CFAP47: variants seen among roughly 807,000 people sequenced by gnomAD.
CFAP47 encodes cilia and flagella associated protein 47.
In CFAP47, 29 loss-of-function variants were observed where a neutral mutation model predicts 148.1. That is an observed-to-expected ratio of 0.20 (90% confidence interval 0.15 to 0.27). The LOEUF (loss-of-function observed/expected upper bound fraction) is 0.27, where lower values mean the gene tolerates loss of function less well. Ranked by LOEUF, CFAP47 falls within the 10% of genes least tolerant of loss-of-function variation. CFAP47 has a pLI of 1.00. For missense variants in CFAP47, 1,872 were observed against 1,697.5 expected (o/e 1.10, Z -1.81); for synonymous variants, 664 against 577.3 (o/e 1.15, Z -2.15).
chrX:36,102,521 TA>T (rs1411994205), intron 32 of CFAP47, among the ~76,000 whole-genome samples: 1 of 111,568 alleles, frequency 9.0e-6, no homozygotes, highest in African/African-American at 3.3e-5. Flanking sequence ...GCTGTAGAAT[TA>T]AGCACTCAGT....
chrX:36,259,732 T>G (rs972994303), intron 49 of CFAP47, among the ~76,000 whole-genome samples: 2 of 111,165 alleles, frequency 1.8e-5, no homozygotes, highest in East Asian at 2.8e-4. Context: ...TATTTTAGAT[T>G]CAGGGAGTAC....
chrX:36,142,178 G>A (rs2146834858), intron 35 of CFAP47, among the ~76,000 whole-genome samples: 1 of 111,408 alleles, frequency 9.0e-6, no homozygotes, highest in South Asian at 3.8e-4. Flanking sequence ...GAAAGTTAGT[G>A]ATACCTTAAA....
intron 52 of CFAP47, among the ~76,000 whole-genome samples, chrX:36,300,799 C>T (rs1556007675): frequency 8.9e-6 from 1 of 112,282 alleles, no homozygotes; most frequent in African/African-American, 3.2e-5. Context: ...TTAAAATACT[C>T]ATGTTTAAAC....
At chrX:36,383,460 A>G (rs781921991) in intron 63 of CFAP47, among the ~76,000 whole-genome samples, 2 of 111,692 alleles carry the variant, frequency 1.8e-5, no homozygotes, top group East Asian at 5.7e-4. Flanking sequence ...ATTTTTACCC[A>G]TCAAGTGGGT....
intron 1 of CFAP47, 85 bp from the exon 2 acceptor site, chrX:35,925,932 G>C (rs1396558520): frequency 1.2e-6 from 1 of 816,981 alleles, no homozygotes; most frequent in Non-Finnish European, 1.7e-6. Context: ...TGGGATTACA[G>C]GCGTGAGCCA....
intron 26 of CFAP47, among the ~76,000 whole-genome samples, chrX:36,052,703 A>G (rs1456946751): frequency 3.6e-5 from 4 of 112,513 alleles, no homozygotes; most frequent in Non-Finnish European, 5.6e-5. Context: ...GCTGCATAAT[A>G]AAGCTTCTTA....
intron 63 of CFAP47, 145 bp from the exon 64 acceptor site, chrX:36,384,648 CATTA>C (rs782806117): frequency 2.4e-6 from 1 of 421,442 alleles, no homozygotes; most frequent in African/African-American, 2.5e-5. Flanking sequence ...TTATTTTCCA[CATTA>C]ATTGTCACTC....
At chrX:36,055,207 G>A (rs1004707872) in intron 26 of CFAP47, among the ~76,000 whole-genome samples, 2 of 109,056 alleles carry the variant, frequency 1.8e-5, no homozygotes, top group African/African-American at 3.3e-5. Flanking sequence ...TGCAGGATGC[G>A]CAGGCTTGTT....
At chrX:36,108,381 A>G (rs1938498651) in intron 33 of CFAP47, among the ~76,000 whole-genome samples, 1 of 111,569 alleles carries the variant, frequency 9.0e-6, no homozygotes, top group Non-Finnish European at 1.9e-5. Flanking sequence ...CACCTTCATT[A>G]AAATGTCCCA....
intron 46 of CFAP47, among the ~76,000 whole-genome samples, chrX:36,234,770 T>C (rs1940429727): frequency 9.0e-6 from 1 of 111,549 alleles, no homozygotes; most frequent in African/African-American, 3.3e-5. Flanking sequence ...CCTTTGATGA[T>C]GGTGAGGTAC....
intron 35 of CFAP47, 136 bp downstream of exon 35, chrX:36,138,600 G>A (rs2146831414): frequency 3.0e-6 from 2 of 671,844 alleles, no homozygotes; most frequent in South Asian, 1.1e-4. Context: ...TTGCTAAAAT[G>A]TAGAAATTGA....
rs1556024944 is a variant in CFAP47 at position 36,385,001 on chromosome X, C to CCAAA, written c.9559_9560insCAAA (p.Gln3187ProfsTer15). ...CAAGGGTGCTCCTTTGGTGAAGAATCAATAAAATTTTTTTCCAAAATATTT... is the reference window on the plus strand; with the variant it reads ...CAAGGGTGCTCCTTTGGTGAAGAATCCAAAAATAAAATTTTTTTCCAAAATATTT... On this transcript the variant is annotated frameshift_variant, in exon 64 of 64. Transcript: ENST00000378653. LOFTEE classifies it high-confidence loss of function. 8.7e-7 allele frequency: 1 copy of CCAAA among 1,143,766 alleles called. No homozygotes were observed. The highest frequency in any genetic ancestry group is 1.8e-5 in the African/African-American group (1 of 55,091). The allele number at this position is 1,143,766 out of a possible 1,213,427, so 94.3% of individuals were successfully genotyped here. A position where few individuals can be genotyped will look rare whatever the true frequency, so the allele number is the denominator to read the frequency against.
intron 49 of CFAP47, among the ~76,000 whole-genome samples, chrX:36,255,159 A>G: frequency 8.9e-6 from 1 of 111,814 alleles, no homozygotes; most frequent in African/African-American, 3.2e-5. Context: ...GAGTTAGGGC[A>G]GAACAAACTA....
chrX:36,165,564 A>C (rs1335729936), intron 39 of CFAP47, among the ~76,000 whole-genome samples: 1 of 111,194 alleles, frequency 9.0e-6, no homozygotes, highest in Non-Finnish European at 1.9e-5. Flanking sequence ...AATATTACAT[A>C]CCCAACAATA....
intron 26 of CFAP47, among the ~76,000 whole-genome samples, chrX:36,059,714 A>T (rs976161236): frequency 2.7e-5 from 3 of 112,132 alleles, no homozygotes; most frequent in Non-Finnish European, 5.6e-5. Flanking sequence ...AATAATGTGT[A>T]TATCTGTGCA....
chrX:36,182,924 G>A (rs1035605952), intron 40 of CFAP47, among the ~76,000 whole-genome samples: 1 of 112,474 alleles, frequency 8.9e-6, no homozygotes, highest in African/African-American at 3.2e-5. Flanking sequence ...GAGAAGTGCT[G>A]TATGTTATTT....
At chrX:36,064,116 T>C (rs1937616615) in intron 26 of CFAP47, among the ~76,000 whole-genome samples, 1 of 112,427 alleles carries the variant, frequency 8.9e-6, no homozygotes, top group Non-Finnish European at 1.9e-5. Context: ...ATGGTGCCTG[T>C]ATGTAAACTA....
At chrX:35,999,017 TATAC>T (rs982470330) in intron 19 of CFAP47, among the ~76,000 whole-genome samples, 7 of 111,619 alleles carry the variant, frequency 6.3e-5, no homozygotes, top group African/African-American at 2.3e-4. Context: ...TATTTTTAGC[TATAC>T]ATTTATTAAC....
rs143727552 is a variant in CFAP47, at chrX:36,185,764, G to T, written c.6105-2856G>T. ...ATTCTGTGTCCTCTTCTGGTGGCTT[G>T]TAGATGGCTGCCATCTTATTATGTG... On this transcript the variant is annotated intron_variant, in intron 40 of 63. Transcript: ENST00000378653. Among the ~76,000 whole-genome samples, 819 of 111,509 alleles carry T rather than the reference G, an allele frequency of 7.3e-3. 16 individuals are homozygous for T. The highest frequency in any genetic ancestry group is 0.025 in the African/African-American group (781 of 30,666).
Sources: gnomAD v4.1 joint callset for allele counts (sites outside exome capture counted in the v4.1 genomes callset) on GRCh38, gnomAD v4.1.1 for gene constraint, MANE v1.5 for transcripts, NCBI Gene and HGNC (gene_info 2026-07-23, HGNC 2026-07-21) for gene names.